The following COL17A1 variants were observed in gnomAD, a reference collection of about 807,000 sequenced individuals.
COL17A1 encodes collagen alpha-1(XVII) chain.
In COL17A1, 181 loss-of-function variants were observed where a neutral mutation model predicts 218.4. That is an observed-to-expected ratio of 0.83 (90% CI 0.73 to 0.94). The LOEUF is 0.94. Among genes scored for constraint, COL17A1 ranks in the 40% least tolerant of loss-of-function variants. COL17A1 has a pLI of 0.00. For missense variants in COL17A1, 1,924 were observed against 1,945.9 expected (o/e 0.99, Z 0.21); for synonymous variants, 721 against 731.0 (o/e 0.99, Z 0.22).
chr10:104,066,162 G>T (rs189926642), intron 9 of COL17A1, among the ~76,000 whole-genome samples: 2 of 152,244 alleles, frequency 1.3e-5, no homozygotes, highest in East Asian at 1.9e-4. Context: ...TCAAATACTT[G>T]AAGAGCCCCT....
rs370920083 is a variant in COL17A1 at position 104,036,575 on chromosome 10, C to T, written c.3335G>A (p.Gly1112Glu). ...CCCATCTCCACTGGCTCCTGGTGGC[C>T]CTGGCGGACCCCGAGGGCCCATCAA... ...QYLMGPRGPPGPPGASGDGSL... is the reference protein window; with the variant it reads ...QYLMGPRGPPEPPGASGDGSL... Residue 1112 changes from glycine (G) to glutamate (E), a missense_variant, in exon 48 of 56, where the codon GGG becomes GAG. Transcript: ENST00000648076. The T allele has an allele frequency of 6.2e-7, 1 of 1,613,870 alleles. No individual in the cohort carries two copies. The highest frequency in any genetic ancestry group is 1.3e-5 in the African/African-American group (1 of 74,864).
At chr10:104,063,492 C>T in intron 11 of COL17A1, 2 of 538,566 alleles carry the variant, frequency 3.7e-6, no homozygotes, top group South Asian at 3.9e-5. Context: ...CATTTCCAAT[C>T]CTCCAACTCT....
intron 3 of COL17A1, among the ~76,000 whole-genome samples, chr10:104,078,313 G>A (rs1028688360): frequency 2.0e-5 from 3 of 152,188 alleles, no homozygotes; most frequent in Non-Finnish European, 4.4e-5. Flanking sequence ...TGGAGCCATG[G>A]AAATCTTCTA....
chr10:104,070,256 T>G (rs554325994), intron 9 of COL17A1, among the ~76,000 whole-genome samples, 170 bp downstream of exon 9: 1 of 152,346 alleles, frequency 6.6e-6, no homozygotes, highest in East Asian at 1.9e-4. Context: ...ATCTATGCCC[T>G]AAAACAGGTT....
At chr10:104,084,039 G>T (rs1477122222) in intron 1 of COL17A1, among the ~76,000 whole-genome samples, 1 of 152,226 alleles carries the variant, frequency 6.6e-6, no homozygotes, top group Non-Finnish European at 1.5e-5. Flanking sequence ...CCCTGGAATT[G>T]AATATCTTGG....
In COL17A1 at chr10:104,051,512, G is replaced by A. The variant is rs756524752; in HGVS notation, c.2007C>T (p.Ser669=). 1.2e-6 allele frequency: 2 copies of A among 1,614,086 alleles called. No homozygotes were observed. Among genetic ancestry groups the A allele is most frequent in the East Asian group, 2.2e-5 (1 of 44,880 alleles). Residue 669 remains serine, a synonymous_variant, in exon 25 of 56, where the codon TCC becomes TCT. Coordinates refer to ENST00000648076, the MANE Select transcript of COL17A1 (RefSeq NM_000494.4). ...GVPGSVGPKG[S]SGSPGPQGPP... is the part of the protein sequence containing the mutation. ...GGCCCTGTGGGCCAGGAGAGCCGCT[G>A]GAACCTGAGAAGGAGGACAAGACAG...
intron 7 of COL17A1, 25 bp downstream of exon 7, chr10:104,073,185 G>T (rs1160987038): frequency 1.9e-6 from 3 of 1,608,542 alleles, no homozygotes; most frequent in Non-Finnish European, 2.6e-6. Context: ...GAATGAATTG[G>T]ACTGAACCCA....
At position 104,040,991 on chromosome 10, in the gene COL17A1, A is replaced by G. The variant is rs2086353675; in HGVS notation, c.2701+74T>C. The G allele has an allele frequency of 5.2e-6, 8 of 1,543,548 alleles. No individual in the cohort carries two copies. The Admixed American group carries it at 8.3e-5, about 16-fold the overall frequency. ...GCCTGGTGAGTAGGTTGTGACCACA[A>G]GGCTACGGCCACAGTCTGTGGCAGG... On this transcript the variant is annotated intron_variant, in intron 39 of 55. Coordinates refer to ENST00000648076, the MANE Select transcript of COL17A1 (RefSeq NM_000494.4).
chr10:104,036,836 G>A (rs1358085039), intron 47 of COL17A1, among the ~76,000 whole-genome samples: 2 of 152,186 alleles, frequency 1.3e-5, no homozygotes. Flanking sequence ...GTCTGGCATG[G>A]GGGCTTGGGA....
Position 104,034,176 on chromosome 10 carries a change from A to G in COL17A1, c.3925T>C (p.Ser1309Pro). 6.2e-6 allele frequency: 10 copies of G among 1,613,516 alleles called. No homozygotes were observed. The highest frequency in any genetic ancestry group is 8.5e-6 in the Non-Finnish European group (10 of 1,179,948). Reference protein sequence around the residue: ...SSVRRGSSYSSSMSTGGGGAG... With the variant: ...SSVRRGSSYSPSMSTGGGGAG... ...CCACCTCCTCCTGTGCTCATGGAAG[A>G]GCTGTAGGAGCTGCCCCGCCTGACA... The change falls in exon 52 of 56, where the codon TCT becomes CCT. Residue 1309 changes from serine to proline, a missense_variant. Ser to Pro is a moderately conservative substitution (Grantham distance 74, BLOSUM62 -1). Transcript: ENST00000648076.
At position 104,033,368 on chromosome 10, in the gene COL17A1, G is replaced by A; in HGVS notation, c.4164C>T (p.Gly1388=). The A allele has an allele frequency of 6.2e-7, 1 of 1,610,494 alleles. No individual in the cohort carries two copies. ...VRVSESMQRQ[G]LLQGMAYTVQ... is the part of the protein sequence containing the mutation. ...CAGTGTAGGCCATCCCTTGCAGTAG[G>A]CCCTGACCTGTAAAACACCAGAGCT... Residue 1388 remains glycine (G), a synonymous_variant, in exon 53 of 56, where the codon GGC becomes GGT. Transcript: ENST00000648076.
At chr10:104,042,381 T>C in intron 36 of COL17A1, 39 bp downstream of exon 36, 1 of 1,612,232 alleles carries the variant, frequency 6.2e-7, no homozygotes, top group Admixed American at 1.7e-5. Flanking sequence ...TCCTCCCGAC[T>C]GGGCCCATCG....
chr10:104,043,826 C>T lies in COL17A1; in HGVS notation c.2433G>A (p.Ser811=), dbSNP rs140553376. Residue 811 remains serine (S), a splice_region_variant and synonymous_variant, in exon 34 of 56, where the codon TCG becomes TCA. Transcript: ENST00000648076. The part of the protein sequence containing the change: ...EPGAPGKIVT[S]EGSSMLTVPG... ...AGGGTCCCTCTAGGACCTGCCTACC[C>T]GAAGTCACGATCTTGCCTGGAGCTC... 16 of 1,613,934 alleles carry T rather than the reference C, an allele frequency of 9.9e-6. No homozygotes were observed. Among genetic ancestry groups the T allele is most frequent in the Non-Finnish European group, 1.3e-5 (15 of 1,180,020 alleles).
chr10:104,037,489 C>T (rs2086312085), intron 46 of COL17A1, 147 bp downstream of exon 46: 2 of 1,098,358 alleles, frequency 1.8e-6, no homozygotes, highest in South Asian at 1.3e-5. Context: ...CACTGTATCC[C>T]AGTGGCCCGA....
intron 5 of COL17A1, among the ~76,000 whole-genome samples, chr10:104,075,308 T>C (rs1187377234): frequency 6.6e-6 from 1 of 152,170 alleles, no homozygotes; most frequent in African/African-American, 2.4e-5. Context: ...GGCAAGTGGC[T>C]GTGCTTCAGG....
At chr10:104,068,587 G>A (rs545006355) in intron 9 of COL17A1, among the ~76,000 whole-genome samples, 1 of 152,216 alleles carries the variant, frequency 6.6e-6, no homozygotes, top group African/African-American at 2.4e-5. Flanking sequence ...AAATATGCCT[G>A]TGGAATAGTA....
At chr10:104,043,477 G>A (rs1280616431) in intron 35 of COL17A1, 24 bp downstream of exon 35, 1 of 1,608,268 alleles carries the variant, frequency 6.2e-7, no homozygotes, top group South Asian at 1.1e-5. Context: ...GCTGATTTGG[G>A]GCAAAGCAAG....
intron 9 of COL17A1, among the ~76,000 whole-genome samples, chr10:104,067,513 G>A (rs772822838): frequency 6.6e-6 from 1 of 152,146 alleles, no homozygotes; most frequent in Non-Finnish European, 1.5e-5. Flanking sequence ...CGAAAAGTAA[G>A]AAACGAATTG....
chr10:104,038,989 C>T (rs1191380711), intron 44 of COL17A1, 82 bp downstream of exon 44: 38 of 1,413,228 alleles, frequency 2.7e-5, no homozygotes, highest in Admixed American at 2.5e-4. Flanking sequence ...AATGAATGAA[C>T]GAATAGAGCA....
Sources: allele counts gnomAD v4.1 joint callset (sites outside exome capture counted in the v4.1 genomes callset), GRCh38; gene constraint gnomAD v4.1.1; transcripts MANE v1.5; gene names NCBI Gene and HGNC (gene_info 2026-07-23, HGNC 2026-07-21).